Variants in RLN2 observed in about 807,000 individuals in gnomAD.
RLN2 encodes the protein prorelaxin H2.
In RLN2, 10 loss-of-function variants were observed where a neutral mutation model predicts 7.3. The observed-to-expected ratio is 1.36, with a 90% confidence interval of 0.84 to 2.31. RLN2 has a LOEUF of 2.31. RLN2 is among the 30% of genes most tolerant of loss of function. The probability of loss-of-function intolerance (pLI) is 0.00; values close to 1 mark genes in which losing one functional copy is unlikely to be tolerated. For missense variants in RLN2, 298 were observed against 217.6 expected, an observed-to-expected ratio of 1.37 and a Z score of -2.32; for synonymous variants, 103 against 82.3, an observed-to-expected ratio of 1.25 and a Z score of -1.36.
chr9:5,320,363 C>T, the RLN2 span, among the ~76,000 whole-genome samples: 4 of 151,922 alleles, frequency 2.6e-5, no homozygotes. Context: ...AAGGACACAA[C>T]AAAATTATTT....
At chr9:5,331,577 A>G in the RLN2 span, among the ~76,000 whole-genome samples, 2,777 of 151,722 alleles carry the variant, frequency 0.018, 127 homozygotes, top group African/African-American at 0.064. Context: ...ACAGAAAACC[A>G]AACACTGCAT....
At chr9:5,305,981 A>T (rs1816240550), upstream of RLN2, among the ~76,000 whole-genome samples, 1 of 152,000 alleles carries the variant, frequency 6.6e-6, no homozygotes, top group Non-Finnish European at 1.5e-5. Flanking sequence ...GCCTCTCAAA[A>T]CTGAGGTTTG....
the RLN2 span, among the ~76,000 whole-genome samples, chr9:5,329,914 T>C: frequency 3.2e-3 from 491 of 152,116 alleles, 6 homozygotes; most frequent in African/African-American, 0.011. Flanking sequence ...GCAGACCTAA[T>C]AGACATCTAC....
At chr9:5,338,308 A>C in the RLN2 span, among the ~76,000 whole-genome samples, 4 of 20,566 alleles carry the variant, frequency 1.9e-4, no homozygotes, top group African/African-American at 8.0e-4. Context: ...CTAATGTTAT[A>C]CAAAAGTCAT....
At chr9:5,328,246 T>C in the RLN2 span, among the ~76,000 whole-genome samples, 2 of 151,938 alleles carry the variant, frequency 1.3e-5, no homozygotes, top group East Asian at 3.9e-4. Context: ...AACCATGCCA[T>C]GAGAACTTCG....
At chr9:5,328,381 G>A in the RLN2 span, among the ~76,000 whole-genome samples, 2 of 152,076 alleles carry the variant, frequency 1.3e-5, no homozygotes, top group Non-Finnish European at 2.9e-5. Flanking sequence ...GAAAAGAAAT[G>A]AACAAAGCCT....
At chr9:5,316,190 T>G in the RLN2 span, among the ~76,000 whole-genome samples, 1,407 of 152,168 alleles carry the variant, frequency 9.2e-3, 32 homozygotes, top group African/African-American at 0.032. Context: ...TGTACATCTG[T>G]ACTTATTAAG....
the RLN2 span, among the ~76,000 whole-genome samples, chr9:5,316,007 G>A: frequency 1.3e-5 from 2 of 151,808 alleles, no homozygotes; most frequent in Non-Finnish European, 2.9e-5. Flanking sequence ...ATATAAGAGA[G>A]TATCAAATTC....
At chr9:5,312,347 A>G in the RLN2 span, among the ~76,000 whole-genome samples, 3 of 152,068 alleles carry the variant, frequency 2.0e-5, no homozygotes, top group Non-Finnish European at 4.4e-5. Flanking sequence ...GTGTCAGGCA[A>G]TCTGGACTTT....
At chr9:5,315,918 A>G in the RLN2 span, among the ~76,000 whole-genome samples, 1 of 152,084 alleles carries the variant, frequency 6.6e-6, no homozygotes, top group Non-Finnish European at 1.5e-5. Context: ...GAAATTCATT[A>G]CCACTATACC....
chr9:5,309,565 C>T (rs571063161), upstream of RLN2, among the ~76,000 whole-genome samples: 2 of 151,962 alleles, frequency 1.3e-5, no homozygotes, highest in South Asian at 2.1e-4. Flanking sequence ...GTCCCTCCTC[C>T]GCCTCTCTTT....
At chr9:5,315,309 TA>T in the RLN2 span, among the ~76,000 whole-genome samples, 1 of 141,294 alleles carries the variant, frequency 7.1e-6, no homozygotes, top group African/African-American at 2.7e-5. Context: ...GTGAAGAAAA[TA>T]AAAAATACAA....
At chr9:5,321,059 G>C in the RLN2 span, among the ~76,000 whole-genome samples, 245 of 152,134 alleles carry the variant, frequency 1.6e-3, 3 homozygotes, top group Non-Finnish European at 5.6e-4. Flanking sequence ...TAACAATAAA[G>C]GCAAACATAA....
At chr9:5,335,887 T>C in the RLN2 span, among the ~76,000 whole-genome samples, 35 of 152,144 alleles carry the variant, frequency 2.3e-4, no homozygotes, top group African/African-American at 8.0e-4. Flanking sequence ...TCCCTGACAT[T>C]ACTCTGTCAT....
At chr9:5,305,606 G>A (rs576682838), upstream of RLN2, among the ~76,000 whole-genome samples, 4 of 152,028 alleles carry the variant, frequency 2.6e-5, no homozygotes, top group African/African-American at 9.7e-5. Context: ...AGGTAATATG[G>A]TTAGTAGACA....
At chr9:5,319,064 T>C in the RLN2 span, among the ~76,000 whole-genome samples, 1 of 151,822 alleles carries the variant, frequency 6.6e-6, no homozygotes, top group Non-Finnish European at 1.5e-5. Context: ...GAAATGACCA[T>C]CTCCCTAGCC....
At chr9:5,330,937 A>G in the RLN2 span, among the ~76,000 whole-genome samples, 1 of 152,110 alleles carries the variant, frequency 6.6e-6, no homozygotes, top group East Asian at 1.9e-4. Flanking sequence ...TCCCACAGAA[A>G]TACAAACTAC....
the RLN2 span, among the ~76,000 whole-genome samples, chr9:5,328,744 G>A: frequency 2.2e-4 from 30 of 136,720 alleles, no homozygotes; most frequent in East Asian, 4.1e-4. Context: ...AGAGGAGAGC[G>A]GGGGCCAATA....
chr9:5,302,376 A>G (rs1433029673), intron 1 of RLN2, among the ~76,000 whole-genome samples: 3 of 152,334 alleles, frequency 2.0e-5, no homozygotes, highest in East Asian at 3.9e-4. Context: ...ATATGATTTT[A>G]GCACATATTG....
Sources: allele counts gnomAD v4.1 joint callset (sites outside exome capture counted in the v4.1 genomes callset), GRCh38; gene constraint gnomAD v4.1.1; transcripts MANE v1.5; gene names NCBI Gene and HGNC (gene_info 2026-07-23, HGNC 2026-07-21).